COL23A1: variants seen among roughly 807,000 people sequenced by gnomAD.
COL23A1 encodes collagen alpha-1(XXIII) chain.
Under a neutral mutation model 99.3 loss-of-function variants are expected in COL23A1, and 97 were observed. The ratio of observed to expected loss-of-function variants is 0.98; its 90% CI spans 0.83 to 1.16. The LOEUF is 1.16. Among genes scored for constraint, COL23A1 ranks in the 50% most tolerant of loss-of-function variants. The pLI, the probability that COL23A1 is intolerant of heterozygous loss-of-function variation, is 0.00. For synonymous variants in COL23A1, 320 were observed against 308.2 expected (o/e 1.04, Z -0.40); for missense variants, 762 against 757.4 (o/e 1.01, Z -0.07).
intron 2 of COL23A1, among the ~76,000 whole-genome samples, chr5:178,490,800 TA>T (rs1562019194): frequency 1.3e-5 from 2 of 152,078 alleles, no homozygotes; most frequent in Non-Finnish European, 2.9e-5. Flanking sequence ...ATTTAAATGG[TA>T]AATTTTATGT....
intron 2 of COL23A1, among the ~76,000 whole-genome samples, chr5:178,502,726 A>G (rs1758638284): frequency 6.6e-6 from 1 of 152,256 alleles, no homozygotes; most frequent in South Asian, 2.1e-4. Context: ...GAACATTCAC[A>G]TAGTTGACGG....
At position 178,306,770 on chromosome 5, in the gene COL23A1, G is replaced by C; in HGVS notation, c.406+105C>G. The C allele has an allele frequency of 2.4e-6, 2 of 817,940 alleles. No homozygotes were observed. Among genetic ancestry groups the C allele is most frequent in the Non-Finnish European group, 3.6e-6 (2 of 556,816 alleles). The allele number at this position is 817,940 out of a possible 1,614,324, so 50.7% of individuals were successfully genotyped here. A position where few individuals can be genotyped will look rare whatever the true frequency, so the allele number is the denominator to read the frequency against. ...GGAGGAGCACCTGCCCAGGACCAAG[G>C]CATGACTCAGGGTGGGCAGCAGGTG... is the stretch of plus-strand genomic sequence containing the variant. On this transcript the variant is annotated intron_variant, in intron 3 of 28. Coordinates refer to ENST00000390654, the MANE Select transcript of COL23A1 (RefSeq NM_173465.4). This position sits in a 1 kb window ranked among gnomAD's most constrained non-coding sequence, Gnocchi z 4.1.
At chr5:178,464,040 C>A (rs530453855) in intron 2 of COL23A1, among the ~76,000 whole-genome samples, 2 of 152,194 alleles carry the variant, frequency 1.3e-5, no homozygotes, top group East Asian at 3.9e-4. Flanking sequence ...TCACCTACCC[C>A]CTTTTACTGC....
rs1176570007 is a variant in COL23A1 at position 178,363,107 on chromosome 5, A to G, written c.362-56188T>C. ...TGTTTTTTGGCTTTAAGTCAATTCA[A>G]GTTGGCTGTTTTTATGACAAGCAAC... On this transcript the variant is annotated intron_variant, in intron 2 of 28. Coordinates refer to ENST00000390654, the MANE Select transcript of COL23A1 (RefSeq NM_173465.4). 2.0e-5 allele frequency among the ~76,000 whole-genome samples: 3 copies of G among 151,552 alleles called. No homozygotes were observed. In the East Asian group the frequency reaches 5.8e-4, roughly 29 times the overall value.
chr5:178,358,115 A>G (rs551211695), intron 2 of COL23A1, among the ~76,000 whole-genome samples: 8 of 140,180 alleles, frequency 5.7e-5, no homozygotes, highest in East Asian at 2.2e-4. Flanking sequence ...GTGTATGTGT[A>G]TGTGTACGTG....
intron 2 of COL23A1, among the ~76,000 whole-genome samples, chr5:178,538,707 A>G (rs1225206801): frequency 6.6e-6 from 1 of 152,250 alleles, no homozygotes; most frequent in Non-Finnish European, 1.5e-5. Context: ...CACGTGAGTT[A>G]GCAATTCCAG....
intron 15 of COL23A1, 94 bp downstream of exon 15, chr5:178,256,259 G>A (rs1213262329): frequency 7.3e-6 from 6 of 827,250 alleles, no homozygotes; most frequent in Non-Finnish European, 1.0e-5. Context: ...TAGCTCCACT[G>A]CTCCTCTGGG....
chr5:178,582,404 C>T lies in COL23A1; in HGVS notation c.294+7500G>A, dbSNP rs140839465. On this transcript the variant is annotated intron_variant, in intron 1 of 28. Transcript: ENST00000390654. ...AGGAGGGCACTGTGAAGGATCTCCA[C>T]CTCCCCAACACCCGCCACTGCCCCA... 8.6e-3 allele frequency among the ~76,000 whole-genome samples: 1,311 copies of T among 152,184 alleles called. 12 individuals are homozygous for T. The highest frequency in any genetic ancestry group is 0.041 in the Middle Eastern group (12 of 294).
chr5:178,388,576 C>A (rs1273793543), intron 2 of COL23A1, among the ~76,000 whole-genome samples: 1 of 152,206 alleles, frequency 6.6e-6, no homozygotes, highest in Non-Finnish European at 1.5e-5. Context: ...CGTCTCCTTG[C>A]TTGTCTCTCC....
intron 1 of COL23A1, among the ~76,000 whole-genome samples, chr5:178,578,923 A>G (rs1763528836): frequency 6.6e-6 from 1 of 152,178 alleles, no homozygotes; most frequent in Non-Finnish European, 1.5e-5. Context: ...TATTTTCATG[A>G]ATAATTTTAT....
chr5:178,573,381 G>A (rs1242829969), intron 1 of COL23A1, among the ~76,000 whole-genome samples: 1 of 152,238 alleles, frequency 6.6e-6, no homozygotes, highest in Non-Finnish European at 1.5e-5. Flanking sequence ...GGCCAATTGT[G>A]AGAGCGTCTG....
At chr5:178,470,510 C>T (rs936843275) in intron 2 of COL23A1, among the ~76,000 whole-genome samples, 6 of 152,144 alleles carry the variant, frequency 3.9e-5, no homozygotes, top group Admixed American at 6.5e-5. Flanking sequence ...CCGTCAGTGT[C>T]GAGCAGAGGG....
At chr5:178,532,922 C>T (rs1760730888) in intron 2 of COL23A1, among the ~76,000 whole-genome samples, 1 of 152,174 alleles carries the variant, frequency 6.6e-6, no homozygotes, top group Admixed American at 6.5e-5. Flanking sequence ...ATCACAGACC[C>T]CCAGCCTTCA....
At chr5:178,470,000 C>T (rs375706288) in intron 2 of COL23A1, among the ~76,000 whole-genome samples, 5 of 152,282 alleles carry the variant, frequency 3.3e-5, no homozygotes, top group Middle Eastern at 3.4e-3. Flanking sequence ...ATTTGTCTAC[C>T]GGTGCAAGCA....
In COL23A1 at chr5:178,307,304, T is replaced by C. The variant is rs1758411981; in HGVS notation, c.362-385A>G. 6.6e-6 allele frequency among the ~76,000 whole-genome samples: 1 copy of C among 152,208 alleles called. No individual in the cohort carries two copies. The highest frequency in any genetic ancestry group is 2.4e-5 in the African/African-American group (1 of 41,452). On this transcript the variant is annotated intron_variant, in intron 2 of 28. Coordinates refer to ENST00000390654, the MANE Select transcript of COL23A1 (RefSeq NM_173465.4). The surrounding 1 kb of genome is among the most constrained non-coding windows in gnomAD (Gnocchi z 4.2). ...AGGAGGAAAGTAAGGGTGGGTTATC[T>C]TAGGAAAGCCCTGACAAACGCTGCT...
chr5:178,310,085 G>A lies in COL23A1; in HGVS notation c.362-3166C>T, dbSNP rs769820521. The stretch of plus-strand genomic sequence containing the variant: ...ACAGGGCCACCTGGTCTGATGTGAC[G>A]TGCCAGTGAGATAGGGAGTGCCTTC... On this transcript the variant is annotated intron_variant, in intron 2 of 28. Transcript: ENST00000390654. The surrounding 1 kb of genome is among the most constrained non-coding windows in gnomAD (Gnocchi z 4.3). Among the ~76,000 whole-genome samples the A allele has an allele frequency of 4.6e-5, 7 of 152,356 alleles. No homozygotes were observed. Among genetic ancestry groups the A allele is most frequent in the South Asian group, 2.1e-4 (1 of 4,830 alleles).
intron 2 of COL23A1, among the ~76,000 whole-genome samples, chr5:178,538,242 G>A (rs750339493): frequency 1.3e-4 from 20 of 152,282 alleles, no homozygotes; most frequent in East Asian, 1.9e-4. Context: ...GCAGATTCCC[G>A]CAGAAGCTCA....
intron 2 of COL23A1, among the ~76,000 whole-genome samples, chr5:178,348,526 G>T (rs1761120174): frequency 6.6e-6 from 1 of 152,186 alleles, no homozygotes; most frequent in African/African-American, 2.4e-5. Flanking sequence ...TGGCCTCAGG[G>T]CTCCGAACGG....
At chr5:178,239,241 A>G in intron 27 of COL23A1, 62 bp from the exon 28 acceptor site, 2 of 1,549,572 alleles carry the variant, frequency 1.3e-6, no homozygotes, top group East Asian at 2.3e-5. Context: ...TACACCCCAC[A>G]TGCCCTCCCC....
Sources: gnomAD v4.1 joint callset for allele counts (sites outside exome capture counted in the v4.1 genomes callset) on GRCh38, gnomAD v4.1.1 for gene constraint, Gnocchi (gnomAD v3.1) non-coding constraint, MANE v1.5 for transcripts, NCBI Gene and HGNC (gene_info 2026-07-23, HGNC 2026-07-21) for gene names.